MPO: variants seen among roughly 807,000 people sequenced by gnomAD.
The protein encoded by MPO is myeloperoxidase.
Under a neutral mutation model 69.4 loss-of-function variants are expected in MPO, and 57 were observed. That is an observed-to-expected ratio of 0.82 (90% CI 0.66 to 1.02). The LOEUF is 1.02. Ranked by LOEUF, MPO falls within the 50% of genes least tolerant of loss-of-function variation. MPO has a pLI of 0.00. For synonymous variants in MPO, 426 were observed against 417.1 expected (o/e 1.02, Z -0.26); for missense variants, 971 against 1,014.1 (o/e 0.96, Z 0.58).
chr17:58,280,046 G>A, intron 2 of MPO, 32 bp from the exon 3 acceptor site: 2 of 1,609,632 alleles, frequency 1.2e-6, no homozygotes, highest in Non-Finnish European at 1.7e-6. Context: ...GAGGGCCAGA[G>A]AAGGGATACA....
In MPO at chr17:58,275,246, A is replaced by C. The variant is rs8081735; in HGVS notation, c.1365+296T>G. Reference sequence around the variant, plus strand: ...AGTGAGATGGAGGGAAGAAGAATTTACTGAACAGCTACTTGGGCGCTAAAC... The same window carrying C: ...AGTGAGATGGAGGGAAGAAGAATTTCCTGAACAGCTACTTGGGCGCTAAAC... On this transcript the variant is annotated intron_variant, in intron 8 of 11. Coordinates refer to ENST00000225275, the MANE Select transcript of MPO (RefSeq NM_000250.2). The surrounding 1 kb of genome is among the most constrained non-coding windows in gnomAD (Gnocchi z 4.1). Among the ~76,000 whole-genome samples the C allele has an allele frequency of 0.024, 3,680 of 152,246 alleles. 152 individuals are homozygous for C. The highest frequency in any genetic ancestry group is 0.084 in the African/African-American group (3,491 of 41,514).
intron 8 of MPO, among the ~76,000 whole-genome samples, chr17:58,274,780 A>G (rs2143971795): frequency 6.6e-6 from 1 of 152,236 alleles, no homozygotes; most frequent in Admixed American, 6.5e-5. Context: ...AGATCGCACC[A>G]CTGCACTCCA....
Position 58,270,769 on chromosome 17 carries a change from T to A in MPO, c.2125A>T (p.Ile709Phe), listed in dbSNP as rs1302344396. 7 of 1,613,972 alleles carry A rather than the reference T, an allele frequency of 4.3e-6. No individual in the cohort carries two copies. The highest frequency in any genetic ancestry group is 3.3e-4 in the Middle Eastern group (2 of 6,078). The change falls in exon 12 of 12, where the codon ATC (isoleucine) becomes TTC (phenylalanine). Residue 709 changes from isoleucine to phenylalanine, a missense_variant. Transcript: ENST00000225275. The surrounding 1 kb of genome is among the most constrained non-coding windows in gnomAD (Gnocchi z 4.1). ...LPRIICDNTG[I>F]TTVSKNNIFM... The stretch of plus-strand genomic sequence containing the variant: ...ATGTTGTTCTTAGACACGGTGGTGA[T>A]GCCTGTGTTGTCGCAGATGATCCGG...
In MPO at chr17:58,275,479, C is replaced by G; in HGVS notation, c.1365+63G>C. The G allele has an allele frequency of 6.2e-7, 1 of 1,609,956 alleles. No homozygotes were observed. The highest frequency in any genetic ancestry group is 8.5e-7 in the Non-Finnish European group (1 of 1,176,862). ...AGCGTTAGGAACTTGCCCAAGGTCA[C>G]ACAGCTAGGATGTTGCAGGGACACA... On this transcript the variant is annotated intron_variant, in intron 8 of 11. Transcript: ENST00000225275. This position sits in a 1 kb window ranked among gnomAD's most constrained non-coding sequence, Gnocchi z 4.1.
intron 10 of MPO, among the ~76,000 whole-genome samples, chr17:58,272,262 GC>G (rs1970375281): frequency 6.6e-6 from 1 of 152,210 alleles, no homozygotes; most frequent in Non-Finnish European, 1.5e-5. Context: ...GTGTCTAGAA[GC>G]CTCAGCCACA....
chr17:58,272,528 G>A (rs1473792501), intron 10 of MPO, among the ~76,000 whole-genome samples: 1 of 152,210 alleles, frequency 6.6e-6, no homozygotes. Flanking sequence ...CCCCTAATAT[G>A]AGAATTACAG....
chr17:58,278,992 C>A lies in MPO; in HGVS notation c.885+16G>T. ...CCCCTCTCCCAACCCAGGCAGTGGG[C>A]GGGAAGCAGGGCCACCTTGAGCGGG... On this transcript the variant is annotated intron_variant, in intron 6 of 11. Transcript: ENST00000225275. 6.3e-7 allele frequency: 1 copy of A among 1,598,678 alleles called. No homozygotes were observed. The highest frequency in any genetic ancestry group is 8.5e-7 in the Non-Finnish European group (1 of 1,175,404).
In MPO at chr17:58,279,919, G is replaced by GCC; in HGVS notation, c.342_343dup (p.Ala115GlyfsTer10). 6.2e-7 allele frequency: 1 copy of GCC among 1,614,028 alleles called. No individual in the cohort carries two copies. Among genetic ancestry groups the GCC allele is most frequent in the South Asian group, 1.1e-5 (1 of 91,084 alleles). On this transcript the variant is annotated frameshift_variant, in exon 3 of 12. Transcript: ENST00000225275. LOFTEE classifies it high-confidence loss of function. ...TAGAGCCACGTGCAGGTAGTCAGCG[G>GCC]CCCTCACCGCCGTCCTGGTGGCTGC...
chr17:58,274,430 A>G (rs1970410645), intron 8 of MPO, among the ~76,000 whole-genome samples: 1 of 151,372 alleles, frequency 6.6e-6, no homozygotes, highest in Non-Finnish European at 1.5e-5. Flanking sequence ...GGGTGGGGGC[A>G]ATGAAGCACC....
In MPO at chr17:58,270,878, C is replaced by T. The variant is rs1267204456; in HGVS notation, c.2031-15G>A. The stretch of plus-strand genomic sequence containing the variant: ...CCCACCAAAACCTGCATGGGGAACA[C>T]CCATGGACACTGTGCCCAAGGATAT... On this transcript the variant is annotated splice_polypyrimidine_tract_variant and intron_variant, in intron 11 of 11. Coordinates refer to ENST00000225275, the MANE Select transcript of MPO (RefSeq NM_000250.2). This position sits in a 1 kb window ranked among gnomAD's most constrained non-coding sequence, Gnocchi z 4.1. 1 of 1,612,498 alleles carries T rather than the reference C, an allele frequency of 6.2e-7. No individual in the cohort carries two copies. The highest frequency in any genetic ancestry group is 1.1e-5 in the South Asian group (1 of 91,018).
chr17:58,270,666 TC>T lies in MPO; in HGVS notation c.2227del (p.Glu743LysfsTer31), dbSNP rs1970354576. The T allele has an allele frequency of 6.2e-7, 1 of 1,611,592 alleles. No individual in the cohort carries two copies. The highest frequency in any genetic ancestry group is 8.5e-7 in the Non-Finnish European group (1 of 1,178,890). ...LPALNLASWR[E>X]AS ...CCCCTTACCTGGCCTCTAGGAGGCTTCCCTCCAGGAAGCCAGGTTCAATGCA... is the reference window on the plus strand; with the variant it reads ...CCCCTTACCTGGCCTCTAGGAGGCTTCCTCCAGGAAGCCAGGTTCAATGCA... On this transcript the variant is annotated frameshift_variant, in exon 12 of 12. Transcript: ENST00000225275. LOFTEE classifies it high-confidence loss of function. This position sits in a 1 kb window ranked among gnomAD's most constrained non-coding sequence, Gnocchi z 4.1.
Position 58,279,445 on chromosome 17 carries a change from C to A in MPO, c.549-19G>T, listed in dbSNP as rs764662494. ...GCTGCGTCTGCAGGGGAGGACAGGGCGCTGACACCGGGAGGCTTGTGGCGT... is the reference window on the plus strand; with the variant it reads ...GCTGCGTCTGCAGGGGAGGACAGGGAGCTGACACCGGGAGGCTTGTGGCGT... On this transcript the variant is annotated intron_variant, in intron 4 of 11. Transcript: ENST00000225275. The A allele has an allele frequency of 6.2e-7, 1 of 1,611,340 alleles. No homozygotes were observed. The highest frequency in any genetic ancestry group is 8.5e-7 in the Non-Finnish European group (1 of 1,179,068).
intron 10 of MPO, 34 bp from the exon 11 acceptor site, chr17:58,271,926 G>C (rs1370144682): frequency 6.2e-7 from 1 of 1,606,020 alleles, no homozygotes; most frequent in Non-Finnish European, 8.5e-7. Context: ...GCTATGGGCA[G>C]GTCTCTCTGC....
chr17:58,271,857 G>T lies in MPO; in HGVS notation c.1828C>A (p.Gln610Lys). Residue 610 changes from glutamine to lysine, a missense_variant, in exon 11 of 12, where the codon CAG becomes AAG. Transcript: ENST00000225275. ...CCCAGCTGGCCCACAGTTTCAGGCT[G>T]CGGGAGCCCACAGAAGCGCCTCCAG... ...NAWRRFCGLP[Q>K]PETVGQLGTV... 1 of 1,614,176 alleles carries T rather than the reference G, an allele frequency of 6.2e-7. No individual in the cohort carries two copies. Among genetic ancestry groups the T allele is most frequent in the Admixed American group, 1.7e-5 (1 of 60,028 alleles).
chr17:58,278,987 GTGGGCGGGAA>G lies in MPO; in HGVS notation c.885+11_885+20del. The G allele has an allele frequency of 6.3e-7, 1 of 1,596,260 alleles. No homozygotes were observed. Among genetic ancestry groups the G allele is most frequent in the Non-Finnish European group, 8.5e-7 (1 of 1,174,434 alleles). ...AATCTCCCCTCTCCCAACCCAGGCA[GTGGGCGGGAA>G]GCAGGGCCACCTTGAGCGGGAAGCA... On this transcript the variant is annotated intron_variant, in intron 6 of 11. Coordinates refer to ENST00000225275, the MANE Select transcript of MPO (RefSeq NM_000250.2).
In MPO at chr17:58,279,177, G is replaced by A. The variant is rs139494856; in HGVS notation, c.716C>T (p.Thr239Ile). Residue 239 changes from threonine (T) to isoleucine (I), a missense_variant, in exon 6 of 12, where the codon ACT becomes ATT. Coordinates refer to ENST00000225275, the MANE Select transcript of MPO (RefSeq NM_000250.2). ...AVSNEIVRFP[T>I]DQLTPDQERS... ...CTCCTGGTCCGGAGTCAGCTGATCA[G>A]TGGGGAAGCGCACGATCTCGTTGGA... 1 of 1,610,944 alleles carries A rather than the reference G, an allele frequency of 6.2e-7. No homozygotes were observed. Among genetic ancestry groups the A allele is most frequent in the Non-Finnish European group, 8.5e-7 (1 of 1,178,716 alleles).
Position 58,278,101 on chromosome 17 carries a change from G to T in MPO, c.930C>A (p.Ile310=). The change falls in exon 7 of 12, where the codon ATC becomes ATA. Residue 310 remains isoleucine (I), a synonymous_variant. Transcript: ENST00000225275. ...DPRIKNQADC[I]PFFRSCPACP... ...AAGCCGGGCAGGAGCGGAAGAACGG[G>T]ATGCAGTCGGCTTGGTTCTTGATGC... is the stretch of plus-strand genomic sequence containing the variant. The T allele has an allele frequency of 6.2e-7, 1 of 1,607,000 alleles. No homozygotes were observed.
Position 58,273,545 on chromosome 17 carries a change from G to A in MPO, c.1490C>T (p.Ala497Val). The A allele has an allele frequency of 6.2e-7, 1 of 1,614,256 alleles. No homozygotes were observed. The highest frequency in any genetic ancestry group is 8.5e-7 in the Non-Finnish European group (1 of 1,180,048). The change falls in exon 9 of 12, where the codon GCC (alanine) becomes GTC (valine). Residue 497 changes from alanine (A) to valine (V), a missense_variant. Transcript: ENST00000225275. Reference sequence around the variant, plus strand: ...GATGAGGGTGTGGCCGTAGCGGAAGGCATTGGTGAAGACGTTGGCGATGCG... The same window carrying A: ...GATGAGGGTGTGGCCGTAGCGGAAGACATTGGTGAAGACGTTGGCGATGCG... Reference protein sequence around the residue: ...DPRIANVFTNAFRYGHTLIQP... With the variant: ...DPRIANVFTNVFRYGHTLIQP...
chr17:58,278,917 G>A (rs1970474185), intron 6 of MPO, 91 bp downstream of exon 6: 7 of 1,453,050 alleles, frequency 4.8e-6, no homozygotes, highest in Admixed American at 2.0e-5. Flanking sequence ...CAGCGTCTGG[G>A]AAAGGAAACC....
Sources: gnomAD v4.1 joint callset for allele counts (sites outside exome capture counted in the v4.1 genomes callset) on GRCh38, gnomAD v4.1.1 for gene constraint, Gnocchi (gnomAD v3.1) non-coding constraint, MANE v1.5 for transcripts, NCBI Gene and HGNC (gene_info 2026-07-23, HGNC 2026-07-21) for gene names.